The following METTL9 variants were observed in gnomAD, a reference collection of about 807,000 sequenced individuals.
The protein encoded by METTL9 is methyltransferase 9, His-X-His N1(pi)-histidine.
In METTL9, 10 loss-of-function variants were observed where a neutral mutation model predicts 36.0. That is an observed-to-expected ratio of 0.28 (90% CI 0.17 to 0.47). METTL9 has a LOEUF of 0.47. METTL9 is among the 20% of genes least tolerant of loss of function. METTL9 has a pLI of 0.99. For missense variants in METTL9, 246 were observed against 383.5 expected, an observed-to-expected ratio of 0.64 and a Z score of 3.00; for synonymous variants, 175 against 149.7, an observed-to-expected ratio of 1.17 and a Z score of -1.23.
intron 2 of METTL9, among the ~76,000 whole-genome samples, chr16:21,616,254 G>A (rs1597750001): frequency 6.6e-6 from 1 of 152,164 alleles, no homozygotes; most frequent in South Asian, 2.1e-4. Flanking sequence ...GGTCTGAGGA[G>A]GAAGTGCCTC....
At chr16:21,627,804 T>C (rs1037977979) in intron 4 of METTL9, among the ~76,000 whole-genome samples, 1 of 151,924 alleles carries the variant, frequency 6.6e-6, no homozygotes, top group Non-Finnish European at 1.5e-5. Context: ...AAAAACAAAA[T>C]TAGCCGGGTG....
intron 1 of METTL9, among the ~76,000 whole-genome samples, chr16:21,605,825 C>T (rs1349373465): frequency 6.6e-6 from 1 of 152,116 alleles, no homozygotes; most frequent in Non-Finnish European, 1.5e-5. Context: ...ATTGTTCAAT[C>T]CTGTTCTGAC....
At chr16:21,613,168 C>CCTT (rs1965471017) in intron 2 of METTL9, among the ~76,000 whole-genome samples, 1 of 91,440 alleles carries the variant, frequency 1.1e-5, no homozygotes, top group Non-Finnish European at 2.0e-5. Context: ...TGAGAGTCTG[C>CCTT]TTTTTTTTTT....
chr16:21,648,708 G>A (rs1225324671), intron 4 of METTL9, among the ~76,000 whole-genome samples: 1 of 152,220 alleles, frequency 6.6e-6, no homozygotes, highest in Admixed American at 6.5e-5. Context: ...GAGGCCATAG[G>A]TAAAATAGTA....
At chr16:21,652,506 AAGG>A (rs1567350266) in intron 4 of METTL9, 1 of 1,571,666 alleles carries the variant, frequency 6.4e-7, no homozygotes, top group African/African-American at 1.4e-5. Context: ...AAATAAAATG[AAGG>A]AGGAGAAGAA....
At chr16:21,637,050 A>G (rs188358877) in intron 4 of METTL9, among the ~76,000 whole-genome samples, 23 of 152,228 alleles carry the variant, frequency 1.5e-4, no homozygotes, top group South Asian at 4.1e-4. Flanking sequence ...CACGGACCCA[A>G]AGAGTGAGCA....
chr16:21,631,549 C>T (rs953432465), intron 4 of METTL9, among the ~76,000 whole-genome samples: 2 of 152,156 alleles, frequency 1.3e-5, no homozygotes, highest in African/African-American at 4.8e-5. Flanking sequence ...CAAGAGTTTC[C>T]TTATCATTTA....
intron 2 of METTL9, among the ~76,000 whole-genome samples, chr16:21,613,193 T>C: frequency 1.7e-5 from 1 of 60,450 alleles, no homozygotes; most frequent in African/African-American, 5.3e-5. Context: ...TTTTTTTTTT[T>C]TTTTTTTTTT....
chr16:21,599,682 T>C lies in METTL9; in HGVS notation c.-52T>C. The C allele has an allele frequency of 7.1e-7, 1 of 1,405,594 alleles. No individual in the cohort carries two copies. Among genetic ancestry groups the C allele is most frequent in the East Asian group, 3.1e-5 (1 of 32,110 alleles). The allele number at this position is 1,405,594 out of a possible 1,614,324, so 87.1% of individuals were successfully genotyped here. A position where few individuals can be genotyped will look rare whatever the true frequency, so the allele number is the denominator to read the frequency against. Reference sequence around the variant, plus strand: ...GGTGGCCGGAGGCGGCGGTGCCTCCTCCTCCTCGCCCCGGCGCCGGCGGTG... The same window carrying C: ...GGTGGCCGGAGGCGGCGGTGCCTCCCCCTCCTCGCCCCGGCGCCGGCGGTG... On this transcript the variant is annotated 5_prime_UTR_variant, in exon 1 of 5. Transcript: ENST00000358154. The surrounding 1 kb of genome is among the most constrained non-coding windows in gnomAD (Gnocchi z 4.4).
intron 4 of METTL9, among the ~76,000 whole-genome samples, chr16:21,636,883 C>G (rs1461823334): frequency 1.3e-5 from 2 of 152,258 alleles, no homozygotes; most frequent in Admixed American, 6.5e-5. Flanking sequence ...ATGGTACTTA[C>G]CGCTTGGCGA....
rs779985335 is a variant in METTL9 at position 21,599,772 on chromosome 16, G to C, written c.39G>C (p.Ala13=). 4 of 1,544,146 alleles carry C rather than the reference G, an allele frequency of 2.6e-6. No individual in the cohort carries two copies. Among genetic ancestry groups the C allele is most frequent in the Non-Finnish European group, 3.5e-6 (4 of 1,152,532 alleles). The change falls in exon 1 of 5, where the codon GCG becomes GCC. Residue 13 remains alanine, a synonymous_variant. Coordinates refer to ENST00000358154, the MANE Select transcript of METTL9 (RefSeq NM_016025.5). The surrounding 1 kb of genome is among the most constrained non-coding windows in gnomAD (Gnocchi z 4.4). ...CGGGCTGGCTGTGCCTGAGCCTGGC[G>C]TCCGTGTGGCTGGCGCGGAGGATGT... ...LLAGWLCLSL[A]SVWLARRMWT...
intron 1 of METTL9, 146 bp downstream of exon 1, chr16:21,600,044 C>A: frequency 1.3e-6 from 1 of 751,448 alleles, no homozygotes; most frequent in Middle Eastern, 5.0e-4. Context: ...TTCCCCGCGC[C>A]TTCCCCGCCG....
chr16:21,613,017 C>T (rs1174287416), intron 2 of METTL9, among the ~76,000 whole-genome samples, 182 bp downstream of exon 2: 1 of 151,976 alleles, frequency 6.6e-6, no homozygotes, highest in Non-Finnish European at 1.5e-5. Flanking sequence ...TTAAATTCAC[C>T]ATAACGTGAC....
In METTL9 at chr16:21,631,592, G is replaced by T. The variant is rs139959344; in HGVS notation, c.751+6477G>T. On this transcript the variant is annotated intron_variant, in intron 4 of 4. Transcript: ENST00000358154. ...CTCATTGTGTCGTTTTTCCTTAATCGCCCGGGAGGAACCATCTATCGTCCT... is the reference window on the plus strand; with the variant it reads ...CTCATTGTGTCGTTTTTCCTTAATCTCCCGGGAGGAACCATCTATCGTCCT... Among the ~76,000 whole-genome samples, 7 of 152,058 alleles carry T rather than the reference G, an allele frequency of 4.6e-5. No individual in the cohort carries two copies. In the East Asian group the frequency reaches 7.7e-4, roughly 17 times the overall value.
intron 4 of METTL9, among the ~76,000 whole-genome samples, chr16:21,647,974 T>G (rs1395389102): frequency 6.6e-6 from 1 of 152,182 alleles, no homozygotes; most frequent in Non-Finnish European, 1.5e-5. Context: ...CAGCGATGTT[T>G]GTGCTTTGTG....
intron 1 of METTL9, 27 bp from the exon 2 acceptor site, chr16:21,612,618 T>C: frequency 6.8e-7 from 1 of 1,470,276 alleles, no homozygotes; most frequent in Non-Finnish European, 9.0e-7. Context: ...GTTTTAATTT[T>C]TGTTCTTTTT....
At chr16:21,629,524 G>A (rs547808620) in intron 4 of METTL9, among the ~76,000 whole-genome samples, 19 of 152,248 alleles carry the variant, frequency 1.2e-4, no homozygotes, top group Admixed American at 5.2e-4. Context: ...AAACCTTTGC[G>A]GTGAGTGTTA....
At chr16:21,648,795 T>C (rs1966493155) in intron 4 of METTL9, among the ~76,000 whole-genome samples, 1 of 152,178 alleles carries the variant, frequency 6.6e-6, no homozygotes, top group Non-Finnish European at 1.5e-5. Flanking sequence ...ATGGTCCTAT[T>C]TGTGTGAGTT....
Position 21,655,384 on chromosome 16 carries a change from T to C in METTL9, c.909T>C (p.Asn303=). 2 of 1,614,200 alleles carry C rather than the reference T, an allele frequency of 1.2e-6. No individual in the cohort carries two copies. The highest frequency in any genetic ancestry group is 2.2e-5 in the East Asian group (1 of 44,888). Residue 303 remains asparagine (N), a synonymous_variant, in exon 5 of 5, where the codon AAT becomes AAC. Coordinates refer to ENST00000358154, the MANE Select transcript of METTL9 (RefSeq NM_016025.5). ...LPYLCEGDMY[N]DYYVLDDAVF... ...ACCTGTGTGAAGGCGACATGTATAA[T>C]GACTACTACGTTCTGGATGACGCTG...
Sources: gnomAD v4.1 joint callset for allele counts (sites outside exome capture counted in the v4.1 genomes callset) on GRCh38, gnomAD v4.1.1 for gene constraint, Gnocchi (gnomAD v3.1) non-coding constraint, MANE v1.5 for transcripts, NCBI Gene and HGNC (gene_info 2026-07-23, HGNC 2026-07-21) for gene names.